COL12A1: variants seen among roughly 807,000 people sequenced by gnomAD.
COL12A1 encodes collagen alpha-1(XII) chain.
In COL12A1, 114 loss-of-function variants were observed where a neutral mutation model predicts 349.7. The ratio of observed to expected loss-of-function variants is 0.33; its 90% CI spans 0.28 to 0.38. The LOEUF is 0.38. COL12A1 is among the 10% of genes least tolerant of loss of function. COL12A1 has a pLI of 1.00. For missense variants in COL12A1, 3,284 were observed against 3,756.9 expected, an observed-to-expected ratio of 0.87 and a Z score of 3.29; for synonymous variants, 1,369 against 1,329.0, an observed-to-expected ratio of 1.03 and a Z score of -0.66.
At chr6:75,175,597 T>C (rs1768897832) in intron 12 of COL12A1, among the ~76,000 whole-genome samples, 1 of 152,216 alleles carries the variant, frequency 6.6e-6, no homozygotes, top group South Asian at 2.1e-4. Flanking sequence ...ATAAAATAGT[T>C]TCCCTGTATT....
chr6:75,203,466 T>C (rs1770629991), intron 1 of COL12A1, among the ~76,000 whole-genome samples: 1 of 152,130 alleles, frequency 6.6e-6, no homozygotes, highest in South Asian at 2.1e-4. Flanking sequence ...CCAAAATACA[T>C]AATAACAAAT....
intron 63 of COL12A1, 93 bp from the exon 64 acceptor site, chr6:75,089,267 C>T: frequency 2.1e-6 from 2 of 934,350 alleles, no homozygotes; most frequent in Non-Finnish European, 3.2e-6. Flanking sequence ...TCAAGTAATT[C>T]ATTTCCTTAG....
chr6:75,148,249 G>A, intron 22 of COL12A1, 109 bp downstream of exon 22: 1 of 1,067,032 alleles, frequency 9.4e-7, no homozygotes, highest in South Asian at 1.9e-5. Context: ...CTCATTTCTG[G>A]CCCCTCTTCA....
intron 10 of COL12A1, among the ~76,000 whole-genome samples, chr6:75,182,442 A>T (rs1191279247): frequency 6.6e-6 from 1 of 151,834 alleles, no homozygotes; most frequent in African/African-American, 2.4e-5. Flanking sequence ...ACTCCCACAT[A>T]TGAGTGAGAA....
chr6:75,191,895 C>T lies in COL12A1; in HGVS notation c.335-135G>A, dbSNP rs559853088. On this transcript the variant is annotated intron_variant, in intron 4 of 65. Coordinates refer to ENST00000322507, the MANE Select transcript of COL12A1 (RefSeq NM_004370.6). The stretch of plus-strand genomic sequence containing the variant: ...GCTCTGCCCAGCTGGTCATAGAATA[C>T]TGCCAAATAATCATTCCCTTACAAG... The T allele has an allele frequency of 5.9e-6, 3 of 506,224 alleles. No homozygotes were observed. In the African/African-American group the frequency reaches 6.0e-5, roughly 10 times the overall value. 31.4% of individuals were successfully genotyped at this position (506,224 alleles called of 1,614,324 possible). A position where few individuals can be genotyped will look rare whatever the true frequency, so the allele number is the denominator to read the frequency against.
In COL12A1 at chr6:75,123,331, A is replaced by G. The variant is rs1206653866; in HGVS notation, c.6945T>C (p.Asp2315=). ...PPPPTIPPAR[D]VCKGAKADIV... is the part of the protein sequence containing the mutation. ...TATTGCCTATTTAGCTGTACTTACC[A>G]TCCCGGGCTGGTGGAATGGTGGGAG... is the stretch of plus-strand genomic sequence containing the variant. The change falls in exon 43 of 66, where the codon GAT becomes GAC. Residue 2315 remains aspartate, a splice_region_variant and synonymous_variant. Transcript: ENST00000322507. 12 of 1,608,522 alleles carry G rather than the reference A, an allele frequency of 7.5e-6. No homozygotes were observed. Among genetic ancestry groups the G allele is most frequent in the Non-Finnish European group, 9.3e-6 (11 of 1,177,302 alleles).
intron 58 of COL12A1, among the ~76,000 whole-genome samples, chr6:75,097,821 A>G (rs1768126556): frequency 6.6e-6 from 1 of 152,204 alleles, no homozygotes; most frequent in African/African-American, 2.4e-5. Flanking sequence ...TTGGACTCTC[A>G]GCTTAGAAAT....
chr6:75,113,758 CAAAA>C lies in COL12A1; in HGVS notation c.7698-18_7698-15del. The C allele has an allele frequency of 2.0e-6, 3 of 1,500,920 alleles. No homozygotes were observed. Among genetic ancestry groups the C allele is most frequent in the South Asian group, 2.8e-5 (2 of 72,050 alleles). The allele number at this position is 1,500,920 out of a possible 1,614,324, so 93.0% of individuals were successfully genotyped here. A position where few individuals can be genotyped will look rare whatever the true frequency, so the allele number is the denominator to read the frequency against. ...GGGTGTAGGTCTCTGTTGGATAAAACAAAAGAAAGAAAAAGGAGAGGAAAGAAAA... is the reference window on the plus strand; with the variant it reads ...GGGTGTAGGTCTCTGTTGGATAAAACGAAAGAAAAAGGAGAGGAAAGAAAA... On this transcript the variant is annotated splice_polypyrimidine_tract_variant and intron_variant, in intron 49 of 65. Transcript: ENST00000322507.
At chr6:75,118,383 T>C (rs1769189945) in intron 46 of COL12A1, among the ~76,000 whole-genome samples, 1 of 152,248 alleles carries the variant, frequency 6.6e-6, no homozygotes, top group Non-Finnish European at 1.5e-5. Flanking sequence ...AATTACTTTA[T>C]AATTTACTAC....
intron 51 of COL12A1, among the ~76,000 whole-genome samples, chr6:75,112,255 T>C (rs1768876690): frequency 6.6e-6 from 1 of 151,824 alleles, no homozygotes; most frequent in Non-Finnish European, 1.5e-5. Flanking sequence ...AAAAAATAAC[T>C]AATGGATACT....
intron 54 of COL12A1, 112 bp from the exon 55 acceptor site, chr6:75,103,922 C>T (rs1768424310): frequency 1.3e-5 from 9 of 676,910 alleles, no homozygotes; most frequent in East Asian, 1.2e-4. Context: ...TATTCTACAG[C>T]TGCTTGCAAA....
chr6:75,108,394 G>A (rs1768671940), intron 52 of COL12A1, among the ~76,000 whole-genome samples: 1 of 152,014 alleles, frequency 6.6e-6, no homozygotes, highest in Non-Finnish European at 1.5e-5. Flanking sequence ...GGCTTTGATT[G>A]ACATTTAATA....
chr6:75,119,350 C>T lies in COL12A1; in HGVS notation c.7210G>A (p.Gly2404Ser). The T allele has an allele frequency of 6.2e-7, 1 of 1,612,636 alleles. No individual in the cohort carries two copies. The part of the protein sequence containing the change: ...IRYRGGNTRT[G>S]KALTFIKEKV... ...AGTAAAGGTCTACATATACACATAC[C>T]TGTTCTTGTGTTTCCTCCTCTGTAC... Residue 2404 changes from glycine (G) to serine (S), a missense_variant and splice_region_variant, in exon 45 of 66, where the codon GGC becomes AGC. Physicochemically the swap from Gly to Ser is moderately conservative, Grantham distance 56. Transcript: ENST00000322507.
At chr6:75,161,428 T>G (rs576039590) in intron 14 of COL12A1, among the ~76,000 whole-genome samples, 1 of 152,306 alleles carries the variant, frequency 6.6e-6, no homozygotes, top group Admixed American at 6.5e-5. Flanking sequence ...CTATCAGCAG[T>G]TGGTTACTTT....
chr6:75,134,301 G>C (rs986264412), intron 32 of COL12A1, among the ~76,000 whole-genome samples: 1 of 152,124 alleles, frequency 6.6e-6, no homozygotes, highest in Admixed American at 6.6e-5. Context: ...CAGGCACGGT[G>C]GATCATGCCT....
intron 8 of COL12A1, among the ~76,000 whole-genome samples, chr6:75,186,213 A>G (rs1277921401): frequency 1.3e-5 from 2 of 152,232 alleles, no homozygotes; most frequent in Non-Finnish European, 2.9e-5. Context: ...TTTGCAAACT[A>G]TGCATCCAAC....
intron 1 of COL12A1, among the ~76,000 whole-genome samples, chr6:75,203,291 TTC>T (rs1359573964): frequency 1.3e-5 from 2 of 152,360 alleles, no homozygotes; most frequent in African/African-American, 4.8e-5. Flanking sequence ...ACCTTTTTAA[TTC>T]TCTTTTTTCT....
At chr6:75,099,824 G>T (rs927339725) in intron 58 of COL12A1, among the ~76,000 whole-genome samples, 1 of 152,112 alleles carries the variant, frequency 6.6e-6, no homozygotes, top group African/African-American at 2.4e-5. Context: ...GACAATCTCT[G>T]TATCTTGTTT....
chr6:75,123,424 A>G lies in COL12A1; in HGVS notation c.6872-20T>C, dbSNP rs1562162320. 9.8e-6 allele frequency: 15 copies of G among 1,531,176 alleles called. No homozygotes were observed. The highest frequency in any genetic ancestry group is 1.3e-5 in the Non-Finnish European group (15 of 1,133,592). The allele number at this position is 1,531,176 out of a possible 1,614,324, so 94.8% of individuals were successfully genotyped here. Reference sequence around the variant, plus strand: ...TCACAGCTAAAATTTAAAAATAATAATTATAAAAACACACCATGTGCACAT... The same window carrying G: ...TCACAGCTAAAATTTAAAAATAATAGTTATAAAAACACACCATGTGCACAT... On this transcript the variant is annotated intron_variant, in intron 42 of 65. Transcript: ENST00000322507.
Sources: allele counts gnomAD v4.1 joint callset (sites outside exome capture counted in the v4.1 genomes callset), GRCh38; gene constraint gnomAD v4.1.1; transcripts MANE v1.5; gene names NCBI Gene and HGNC (gene_info 2026-07-23, HGNC 2026-07-21).